The following MDGA1 variants were observed in gnomAD, a reference collection of about 807,000 sequenced individuals.
MDGA1 encodes MAM domain-containing glycosylphosphatidylinositol anchor protein 1.
A neutral mutation model predicts 101.5 loss-of-function variants in MDGA1; 54 were observed. The ratio of observed to expected loss-of-function variants is 0.53; its 90% confidence interval spans 0.43 to 0.67. The LOEUF (loss-of-function observed/expected upper bound fraction) is 0.67, where lower values mean the gene tolerates loss of function less well. Ranked by LOEUF, MDGA1 falls within the 30% of genes least tolerant of loss-of-function variation. MDGA1 has a pLI of 0.00. For synonymous variants in MDGA1, 533 were observed against 558.3 expected, an observed-to-expected ratio of 0.95 and a Z score of 0.64; for missense variants, 1,083 against 1,323.8, an observed-to-expected ratio of 0.82 and a Z score of 2.82.
chr6:37,655,687 T>C lies in MDGA1; in HGVS notation c.579+13A>G. The C allele has an allele frequency of 6.3e-7, 1 of 1,593,304 alleles. No homozygotes were observed. Among genetic ancestry groups the C allele is most frequent in the Non-Finnish European group, 8.6e-7 (1 of 1,168,622 alleles). On this transcript the variant is annotated intron_variant, in intron 4 of 16. Transcript: ENST00000434837. The surrounding 1 kb of genome is among the most constrained non-coding windows in gnomAD (Gnocchi z 5.1). ...GAGAAGTGGTATGGGGCGAGCCAGC[T>C]GCCCATCCTGACCTGAGTGTAGAGG... is the stretch of plus-strand genomic sequence containing the variant.
chr6:37,672,285 TA>T (rs530299424), intron 1 of MDGA1, among the ~76,000 whole-genome samples: 2,279 of 146,348 alleles, frequency 0.016, 45 homozygotes, highest in African/African-American at 0.046. Context: ...ACCCCATCTC[TA>T]AAAAAAAAAA....
chr6:37,689,550 T>C (rs1028059821), intron 1 of MDGA1, among the ~76,000 whole-genome samples: 4 of 152,230 alleles, frequency 2.6e-5, no homozygotes, highest in Admixed American at 2.6e-4. Context: ...GATCTCCATC[T>C]GACAAGCGGA....
At chr6:37,659,929 G>A (rs1027624614) in intron 2 of MDGA1, among the ~76,000 whole-genome samples, 12 of 151,916 alleles carry the variant, frequency 7.9e-5, no homozygotes, top group African/African-American at 2.9e-4. Flanking sequence ...AAAACATTTT[G>A]TCTAGATGGA....
chr6:37,679,094 T>G (rs1412598833), intron 1 of MDGA1, among the ~76,000 whole-genome samples: 4 of 152,170 alleles, frequency 2.6e-5, no homozygotes, highest in Non-Finnish European at 4.4e-5. Flanking sequence ...AGTCTCTTAT[T>G]TTTTCTCCAT....
intron 14 of MDGA1, among the ~76,000 whole-genome samples, chr6:37,640,650 G>A (rs1303259129): frequency 6.6e-6 from 1 of 152,094 alleles, no homozygotes; most frequent in Non-Finnish European, 1.5e-5. Context: ...GGGGGTCCTG[G>A]ATGTCCTCTG....
At chr6:37,651,890 G>T (rs1761370882) in intron 7 of MDGA1, 121 bp downstream of exon 7, 3 of 786,916 alleles carry the variant, frequency 3.8e-6, no homozygotes, top group Admixed American at 2.9e-5. Context: ...CACGTGGCAT[G>T]AACAAGTGGT....
intron 1 of MDGA1, among the ~76,000 whole-genome samples, chr6:37,666,787 C>G (rs966000798): frequency 2.6e-5 from 4 of 152,204 alleles, no homozygotes; most frequent in African/African-American, 9.7e-5. Flanking sequence ...AAACAGGCAT[C>G]ACCATCTTCT....
intron 1 of MDGA1, among the ~76,000 whole-genome samples, chr6:37,680,948 G>A (rs1481898886): frequency 1.3e-5 from 2 of 152,126 alleles, no homozygotes; most frequent in Non-Finnish European, 2.9e-5. Flanking sequence ...TGGGAAGGCT[G>A]GCAGACCTCC....
Position 37,635,456 on chromosome 6 carries a change from C to T in MDGA1, c.*1912G>A, listed in dbSNP as rs763202619. ...GGAAGTGTATGCTGAGAACCTGGAG[C>T]GACTCATTTCAGACAGAGGCCTTGA... is the stretch of plus-strand genomic sequence containing the variant. On this transcript the variant is annotated 3_prime_UTR_variant, in exon 17 of 17. Coordinates refer to ENST00000434837, the MANE Select transcript of MDGA1 (RefSeq NM_153487.4). 24 of 398,598 alleles carry T rather than the reference C, an allele frequency of 6.0e-5. No homozygotes were observed. Among genetic ancestry groups the T allele is most frequent in the Non-Finnish European group, 8.8e-5 (20 of 226,150 alleles). 24.7% of individuals were successfully genotyped at this position (398,598 alleles called of 1,614,324 possible).
intron 1 of MDGA1, among the ~76,000 whole-genome samples, chr6:37,675,439 C>T (rs771307654): frequency 2.6e-5 from 4 of 152,094 alleles, no homozygotes; most frequent in African/African-American, 7.2e-5. Flanking sequence ...GTTCCATTTC[C>T]ACTTAATAAT....
At chr6:37,672,320 C>T (rs1761888193) in intron 1 of MDGA1, among the ~76,000 whole-genome samples, 1 of 151,596 alleles carries the variant, frequency 6.6e-6, no homozygotes, top group African/African-American at 2.4e-5. Flanking sequence ...GGGCATGGTG[C>T]CACATGCCTG....
At chr6:37,639,579 T>C (rs2113995571) in intron 14 of MDGA1, 1 of 152,390 alleles carries the variant, frequency 6.6e-6, no homozygotes, top group South Asian at 2.1e-4. Context: ...CTTGCTTTTC[T>C]TTCAACACTT....
At chr6:37,682,581 C>T (rs1762119985) in intron 1 of MDGA1, among the ~76,000 whole-genome samples, 1 of 152,166 alleles carries the variant, frequency 6.6e-6, no homozygotes, top group Admixed American at 6.5e-5. Flanking sequence ...AGGCTGATCC[C>T]CCTCTCTGCT....
intron 3 of MDGA1, among the ~76,000 whole-genome samples, chr6:37,656,309 C>T (rs187761474): frequency 6.1e-4 from 92 of 151,670 alleles, no homozygotes; most frequent in Non-Finnish European, 9.9e-4. Context: ...ATCTCCTGAC[C>T]TTGTGATCTG....
chr6:37,671,910 G>A (rs547797104), intron 1 of MDGA1, among the ~76,000 whole-genome samples: 8 of 152,312 alleles, frequency 5.3e-5, no homozygotes, highest in Non-Finnish European at 1.2e-4. Context: ...GGAGGCCAAC[G>A]TAGGAGGATC....
chr6:37,675,329 A>G (rs1032126855), intron 1 of MDGA1, among the ~76,000 whole-genome samples: 3 of 152,236 alleles, frequency 2.0e-5, no homozygotes, highest in Non-Finnish European at 2.9e-5. Flanking sequence ...TCAGGCTTCA[A>G]TGGAGATAAC....
intron 1 of MDGA1, among the ~76,000 whole-genome samples, chr6:37,680,657 T>C (rs763070846): frequency 6.6e-6 from 1 of 152,238 alleles, no homozygotes; most frequent in Admixed American, 6.5e-5. Flanking sequence ...GAAGTAAGCA[T>C]GAGCACTGGA....
rs763810123 is a variant in MDGA1 at position 37,638,509 on chromosome 6, G to C, written c.2667+28C>G. 1.3e-5 allele frequency: 21 copies of C among 1,612,348 alleles called. No homozygotes were observed. Among genetic ancestry groups the C allele is most frequent in the Non-Finnish European group, 1.4e-5 (16 of 1,178,944 alleles). On this transcript the variant is annotated intron_variant, in intron 15 of 16. Coordinates refer to ENST00000434837, the MANE Select transcript of MDGA1 (RefSeq NM_153487.4). The surrounding 1 kb of genome is among the most constrained non-coding windows in gnomAD (Gnocchi z 4.8). ...GGCCACAGCAACCACCGAAGCCGGG[G>C]AGGGTCCTCTGGGCCCTACGGACTC... is the stretch of plus-strand genomic sequence containing the variant.
Position 37,652,455 on chromosome 6 carries a change from G to A in MDGA1, c.983-115C>T. The A allele has an allele frequency of 1.5e-6, 1 of 671,700 alleles. No individual in the cohort carries two copies. The highest frequency in any genetic ancestry group is 2.5e-6 in the Non-Finnish European group (1 of 401,724). 41.6% of individuals were successfully genotyped at this position (671,700 alleles called of 1,614,324 possible). ...TCTAGCTGGCCCTTCTGGGGATAGG[G>A]GGCTACAACTCCCCCAGGTGAAACT... is the stretch of plus-strand genomic sequence containing the variant. On this transcript the variant is annotated intron_variant, in intron 6 of 16. Transcript: ENST00000434837. The surrounding 1 kb of genome is among the most constrained non-coding windows in gnomAD (Gnocchi z 4.3).
Sources: allele counts gnomAD v4.1 joint callset (sites outside exome capture counted in the v4.1 genomes callset), GRCh38; gene constraint gnomAD v4.1.1; non-coding constraint Gnocchi (gnomAD v3.1); transcripts MANE v1.5; gene names NCBI Gene and HGNC (gene_info 2026-07-23, HGNC 2026-07-21).